SI: variants seen among roughly 807,000 people sequenced by gnomAD.
SI encodes the protein sucrase-isomaltase, also known as sucrase-isomaltase, intestinal.
A neutral mutation model predicts 253.3 loss-of-function variants in SI; 235 were observed. The observed-to-expected ratio is 0.93, with a 90% CI of 0.83 to 1.03. SI has a LOEUF of 1.03. Among genes scored for constraint, SI ranks in the 50% least tolerant of loss-of-function variants. The probability of loss-of-function intolerance (pLI) is 0.00; values close to 1 mark genes in which losing one functional copy is unlikely to be tolerated. For synonymous variants in SI, 819 were observed against 712.0 expected (o/e 1.15, Z -2.39); for missense variants, 2,442 against 2,211.1 (o/e 1.10, Z -2.09).
At chr3:165,083,159 A>C (rs1013023375), upstream of SI, among the ~76,000 whole-genome samples, 2 of 151,774 alleles carry the variant, frequency 1.3e-5, no homozygotes, top group African/African-American at 4.8e-5. Flanking sequence ...CTAATTTTTC[A>C]TTTTCTCTCT....
chr3:165,024,806 C>A (rs1052964710), intron 25 of SI, among the ~76,000 whole-genome samples: 2 of 151,124 alleles, frequency 1.3e-5, no homozygotes, highest in Non-Finnish European at 3.0e-5. Flanking sequence ...TTCTTTACAG[C>A]AAAACATACT....
intron 45 of SI, 133 bp downstream of exon 45, chr3:164,987,005 T>C (rs892626699): frequency 2.7e-6 from 2 of 730,438 alleles, no homozygotes; most frequent in Non-Finnish European, 4.8e-6. Flanking sequence ...TCAGTGAATT[T>C]AGTAAAATCT....
At position 165,036,475 on chromosome 3, in the gene SI, C is replaced by A. The variant is rs746487509; in HGVS notation, c.2429G>T (p.Arg810Leu). Residue 810 changes from arginine to leucine, a missense_variant and splice_region_variant, in exon 22 of 48, where the codon CGT (arginine) becomes CTT (leucine). Arg to Leu is a moderately radical substitution (Grantham distance 102, BLOSUM62 -2). Coordinates refer to ENST00000264382, the MANE Select transcript of SI (RefSeq NM_001041.4). ...QEPDVTTTASRKNPLGLIVAL... is the reference protein window; with the variant it reads ...QEPDVTTTASLKNPLGLIVAL... ...GACTATAAGTCCTAGAGGATTCTTA[C>A]GGCTGTTAAGAAAAATTAGGTGCAT... 7.5e-6 allele frequency: 12 copies of A among 1,608,020 alleles called. No individual in the cohort carries two copies.
At chr3:165,045,848 A>ATTTTTTTTTTTTT (rs74590097) in intron 16 of SI, among the ~76,000 whole-genome samples, 1 of 120,816 alleles carries the variant, frequency 8.3e-6, no homozygotes, top group African/African-American at 3.1e-5. Context: ...ATGTTTTTCA[A>ATTTTTTTTTTTTT]TTTTTTTTTT....
rs146433985 is a variant in SI, at chr3:165,043,757, T to C, written c.1888-582A>G. On this transcript the variant is annotated intron_variant, in intron 16 of 47. Transcript: ENST00000264382. ...TTTCTTTATTTTTTCTGTGTAAGTA[T>C]ATATGTATCTATAAACAATATATAG... Among the ~76,000 whole-genome samples the C allele has an allele frequency of 6.0e-4, 92 of 152,204 alleles. 1 individual carries two copies. Among genetic ancestry groups the C allele is most frequent in the Middle Eastern group, 3.4e-3 (1 of 294 alleles).
At chr3:165,003,775 A>G (rs143124633) in intron 37 of SI, among the ~76,000 whole-genome samples, 2 of 152,232 alleles carry the variant, frequency 1.3e-5, no homozygotes, top group East Asian at 3.9e-4. Context: ...TAAAAATCAC[A>G]AGCCTTATGG....
chr3:165,049,002 G>A (rs2046846409), intron 15 of SI, 125 bp downstream of exon 15: 1 of 689,600 alleles, frequency 1.5e-6, no homozygotes, highest in East Asian at 2.8e-5. Flanking sequence ...CTTTTTAGCA[G>A]GCATAAAATA....
At chr3:164,984,464 A>G (rs539860542) in intron 45 of SI, among the ~76,000 whole-genome samples, 11 of 152,196 alleles carry the variant, frequency 7.2e-5, no homozygotes, top group Admixed American at 5.9e-4. Flanking sequence ...TACAATTACA[A>G]CTTAAGTTTT....
At chr3:165,020,072 C>A (rs776974388) in intron 27 of SI, among the ~76,000 whole-genome samples, 2 of 151,608 alleles carry the variant, frequency 1.3e-5, no homozygotes, top group African/African-American at 2.4e-5. Context: ...AATATGAAAT[C>A]ATAAATGACT....
chr3:165,042,452 T>C (rs557733588), intron 17 of SI, among the ~76,000 whole-genome samples: 1 of 152,190 alleles, frequency 6.6e-6, no homozygotes, highest in South Asian at 2.1e-4. Context: ...AAAACATGCC[T>C]ATGATCATGA....
In SI at chr3:165,049,831, TC is replaced by T; in HGVS notation, c.1556del (p.Gly519AspfsTer4). ...GATAATTCAATTTGTTTACATTACA[TC>T]CTTTTGTTGAACCTTGAATAAAGCT... The part of the protein sequence containing the change: ...VSSFIQGSTK[G>X]CNVNKLNYPP... On this transcript the variant is annotated frameshift_variant, in exon 14 of 48. Transcript: ENST00000264382. LOFTEE classifies it high-confidence loss of function. 6.2e-7 allele frequency: 1 copy of T among 1,609,012 alleles called. No individual in the cohort carries two copies. Among genetic ancestry groups the T allele is most frequent in the Non-Finnish European group, 8.5e-7 (1 of 1,176,142 alleles).
chr3:165,075,376 A>G (rs1714888856), intron 2 of SI, among the ~76,000 whole-genome samples: 1 of 151,970 alleles, frequency 6.6e-6, no homozygotes, highest in African/African-American at 2.4e-5. Context: ...GTATGTACCA[A>G]CTCTAAATTA....
intron 23 of SI, 71 bp from the exon 24 acceptor site, chr3:165,032,763 G>T: frequency 9.7e-7 from 1 of 1,030,814 alleles, no homozygotes; most frequent in Non-Finnish European, 1.4e-6. Context: ...ATACCGATAA[G>T]AAATAGCAAA....
intron 23 of SI, among the ~76,000 whole-genome samples, chr3:165,033,090 T>C (rs1353752597): frequency 6.6e-6 from 1 of 151,540 alleles, no homozygotes; most frequent in Non-Finnish European, 1.5e-5. Context: ...CATTAAAACA[T>C]TTTCAGATAT....
chr3:164,992,548 G>A (rs1717805500), intron 41 of SI, 151 bp from the exon 42 acceptor site: 2 of 629,908 alleles, frequency 3.2e-6, no homozygotes, highest in African/African-American at 3.7e-5. Flanking sequence ...TATATCAGTT[G>A]GAATGTAATA....
chr3:165,020,364 A>C (rs138259416), intron 27 of SI, among the ~76,000 whole-genome samples: 2 of 151,854 alleles, frequency 1.3e-5, no homozygotes, highest in African/African-American at 4.8e-5. Flanking sequence ...AGAGGAAGGA[A>C]AGTAACATGG....
intron 25 of SI, among the ~76,000 whole-genome samples, chr3:165,027,364 T>G (rs1266119588): frequency 6.6e-6 from 1 of 151,246 alleles, no homozygotes; most frequent in Non-Finnish European, 1.5e-5. Context: ...ATAGCAGAAT[T>G]TTACCAGAAA....
chr3:165,056,085 A>G (rs1363043584), intron 12 of SI, among the ~76,000 whole-genome samples: 1 of 152,178 alleles, frequency 6.6e-6, no homozygotes, highest in African/African-American at 2.4e-5. Flanking sequence ...TAATCACATT[A>G]GGCAAGGAGA....
intron 3 of SI, among the ~76,000 whole-genome samples, chr3:165,070,333 C>A (rs1365406839): frequency 4.2e-5 from 5 of 118,986 alleles, no homozygotes; most frequent in Middle Eastern, 4.5e-3. Context: ...TATATAAAAT[C>A]TCTCTAAACA....
Sources: gnomAD v4.1 joint callset for allele counts (sites outside exome capture counted in the v4.1 genomes callset) on GRCh38, gnomAD v4.1.1 for gene constraint, MANE v1.5 for transcripts, NCBI Gene and HGNC (gene_info 2026-07-23, HGNC 2026-07-21) for gene names.